PXDNL: variants seen among roughly 807,000 people sequenced by gnomAD.
PXDNL encodes peroxidasin like, also known as probable oxidoreductase PXDNL.
In PXDNL, 145 loss-of-function variants were observed where a neutral mutation model predicts 150.8. The observed-to-expected ratio is 0.96, with a 90% confidence interval of 0.84 to 1.10. The LOEUF is 1.10. Among genes scored for constraint, PXDNL ranks in the 50% least tolerant of loss-of-function variants. The pLI, the probability that PXDNL is intolerant of heterozygous loss-of-function variation, is 0.00. For synonymous variants in PXDNL, 757 were observed against 725.7 expected (o/e 1.04, Z -0.69); for missense variants, 2,087 against 1,873.9 (o/e 1.11, Z -2.10).
At chr8:51,488,679 T>C (rs2130209804) in intron 5 of PXDNL, among the ~76,000 whole-genome samples, 1 of 152,276 alleles carries the variant, frequency 6.6e-6, no homozygotes, top group South Asian at 2.1e-4. Context: ...AAAGGGAAAA[T>C]TTTGTAAGAA....
At chr8:51,716,779 C>T (rs1038774013) in intron 1 of PXDNL, among the ~76,000 whole-genome samples, 2 of 152,186 alleles carry the variant, frequency 1.3e-5, no homozygotes, top group African/African-American at 4.8e-5. Context: ...CGATTGCACC[C>T]CTAGCTCCTG....
chr8:51,475,147 C>A lies in PXDNL; in HGVS notation c.525-6G>T. 1.9e-6 allele frequency: 3 copies of A among 1,609,896 alleles called. No individual in the cohort carries two copies. The highest frequency in any genetic ancestry group is 2.5e-6 in the Non-Finnish European group (3 of 1,176,942). On this transcript the variant is annotated splice_polypyrimidine_tract_variant and splice_region_variant and intron_variant, in intron 6 of 22. Transcript: ENST00000356297. The stretch of plus-strand genomic sequence containing the variant: ...GGGCGTTGGAATCCAGACGCCTAGG[C>A]ATGCAGGCAAGAAGTACAACTGTTA...
chr8:51,449,474 G>T (rs1275411361), intron 10 of PXDNL, among the ~76,000 whole-genome samples: 1 of 152,144 alleles, frequency 6.6e-6, no homozygotes, highest in East Asian at 1.9e-4. Flanking sequence ...TAACAAAACC[G>T]TCTTCTCCAA....
chr8:51,583,931 T>C (rs555580178), intron 3 of PXDNL, among the ~76,000 whole-genome samples: 79 of 152,290 alleles, frequency 5.2e-4, no homozygotes, highest in Non-Finnish European at 8.5e-4. Context: ...GATAGACGTA[T>C]AGGAAGGCTG....
At chr8:51,697,983 T>C (rs1225367232) in intron 1 of PXDNL, among the ~76,000 whole-genome samples, 1 of 152,222 alleles carries the variant, frequency 6.6e-6, no homozygotes, top group Non-Finnish European at 1.5e-5. Context: ...ACTGTGACTT[T>C]AAAAAGTACT....
intron 8 of PXDNL, among the ~76,000 whole-genome samples, chr8:51,471,492 C>A (rs1810332321): frequency 6.6e-6 from 1 of 152,060 alleles, no homozygotes; most frequent in South Asian, 2.1e-4. Context: ...TACTGATTTA[C>A]CATAGGAAAG....
chr8:51,749,196 T>C (rs770437963), intron 1 of PXDNL, among the ~76,000 whole-genome samples: 1 of 152,220 alleles, frequency 6.6e-6, no homozygotes, highest in African/African-American at 2.4e-5. Flanking sequence ...GATGATTATA[T>C]AAAAATAATC....
chr8:51,518,893 G>T (rs974417094), intron 4 of PXDNL, among the ~76,000 whole-genome samples: 8 of 151,972 alleles, frequency 5.3e-5, no homozygotes, highest in African/African-American at 1.5e-4. Context: ...AATGAAGAGA[G>T]GCACAAGTGA....
intron 13 of PXDNL, among the ~76,000 whole-genome samples, chr8:51,425,517 C>A (rs1809068069): frequency 6.6e-6 from 1 of 151,890 alleles, no homozygotes; most frequent in Non-Finnish European, 1.5e-5. Context: ...TATATAATAT[C>A]AAATTAAAAG....
At chr8:51,703,878 T>C (rs1286027753) in intron 1 of PXDNL, among the ~76,000 whole-genome samples, 1 of 152,236 alleles carries the variant, frequency 6.6e-6, no homozygotes, top group Non-Finnish European at 1.5e-5. Flanking sequence ...TGCCTTTATT[T>C]CTTCTAATGT....
intron 12 of PXDNL, among the ~76,000 whole-genome samples, chr8:51,441,496 TA>T (rs1282689665): frequency 6.6e-6 from 1 of 152,146 alleles, no homozygotes; most frequent in African/African-American, 2.4e-5. Flanking sequence ...AGCAGAGAAC[TA>T]GAAAGCAAAG....
At chr8:51,714,972 AC>A (rs1486490415) in intron 1 of PXDNL, among the ~76,000 whole-genome samples, 10 of 152,152 alleles carry the variant, frequency 6.6e-5, no homozygotes, top group African/African-American at 1.7e-4. Context: ...CCAAATGAAA[AC>A]CCTTCATGAG....
At chr8:51,551,682 G>C (rs2130523465) in intron 4 of PXDNL, among the ~76,000 whole-genome samples, 1 of 152,106 alleles carries the variant, frequency 6.6e-6, no homozygotes, top group African/African-American at 2.4e-5. Context: ...ACTCAAGAAG[G>C]GTCAAAGATG....
At chr8:51,476,104 AAAAC>A (rs113149688) in intron 6 of PXDNL, among the ~76,000 whole-genome samples, 1 of 151,748 alleles carries the variant, frequency 6.6e-6, no homozygotes, top group South Asian at 2.1e-4. Flanking sequence ...CCCAAAAGCA[AAAAC>A]AAACAAACAA....
intron 4 of PXDNL, among the ~76,000 whole-genome samples, chr8:51,546,537 A>C (rs1812364173): frequency 6.6e-6 from 1 of 152,154 alleles, no homozygotes; most frequent in African/African-American, 2.4e-5. Context: ...CAGCTAGCAG[A>C]ATTGGGGAGG....
At position 51,409,297 on chromosome 8, in the gene PXDNL, G is replaced by T; in HGVS notation, c.2327C>A (p.Pro776His). The change falls in exon 17 of 23, where the codon CCC becomes CAC. Residue 776 changes from proline (P) to histidine (H), a missense_variant. Coordinates refer to ENST00000356297, the MANE Select transcript of PXDNL (RefSeq NM_144651.5). Reference protein sequence around the residue: ...GLGLPVGSRQPLPPPRLVATV... With the variant: ...GLGLPVGSRQHLPPPRLVATV... ...GGCGACCAGCCGGGGCGGCGGGAGG[G>T]GCTGGCGGGAGCCCACAGGAAGGCC... 7.0e-7 allele frequency: 1 copy of T among 1,423,616 alleles called. No homozygotes were observed. Among genetic ancestry groups the T allele is most frequent in the Non-Finnish European group, 9.1e-7 (1 of 1,096,136 alleles). The allele number at this position is 1,423,616 out of a possible 1,614,324, so 88.2% of individuals were successfully genotyped here. A position where few individuals can be genotyped will look rare whatever the true frequency, so the allele number is the denominator to read the frequency against.
chr8:51,625,897 A>G (rs1227560952), intron 2 of PXDNL, among the ~76,000 whole-genome samples: 1 of 152,210 alleles, frequency 6.6e-6, no homozygotes, highest in Non-Finnish European at 1.5e-5. Context: ...CAGCCAAGCG[A>G]AGATTTAAAG....
chr8:51,600,860 A>G (rs191927052), intron 2 of PXDNL, among the ~76,000 whole-genome samples: 1,224 of 118,330 alleles, frequency 0.01, 9 homozygotes, highest in South Asian at 0.021. Flanking sequence ...TAAATTATAT[A>G]GTTTAGATAA....
At position 51,345,888 on chromosome 8, in the gene PXDNL, C is replaced by CTGAG. The variant is rs778325354; in HGVS notation, c.3957_3960dup (p.Ala1321LeufsTer9). ...TTATCAACAGGATAGCTGTATTGAG[C>CTGAG]TGAGCGTTTCTTTTGAGACTCTTGC... On this transcript the variant is annotated frameshift_variant, in exon 20 of 23. Coordinates refer to ENST00000356297, the MANE Select transcript of PXDNL (RefSeq NM_144651.5). LOFTEE classifies it high-confidence loss of function. 6.2e-7 allele frequency: 1 copy of CTGAG among 1,613,868 alleles called. No homozygotes were observed. The highest frequency in any genetic ancestry group is 1.3e-5 in the African/African-American group (1 of 75,030).
Sources: gnomAD v4.1 joint callset for allele counts (sites outside exome capture counted in the v4.1 genomes callset) on GRCh38, gnomAD v4.1.1 for gene constraint, MANE v1.5 for transcripts, NCBI Gene and HGNC (gene_info 2026-07-23, HGNC 2026-07-21) for gene names.